The following KIAA1328 variants were observed in gnomAD, a reference collection of about 807,000 sequenced individuals.
KIAA1328 encodes KIAA1328.
In KIAA1328, 52 loss-of-function variants were observed where a neutral mutation model predicts 68.1. The observed-to-expected ratio is 0.76, with a 90% CI of 0.61 to 0.96. The LOEUF is 0.96. Among genes scored for constraint, KIAA1328 ranks in the 40% least tolerant of loss-of-function variants. The pLI, the probability that KIAA1328 is intolerant of heterozygous loss-of-function variation, is 0.00. For missense variants in KIAA1328, 641 were observed against 677.6 expected (o/e 0.95, Z 0.60); for synonymous variants, 232 against 239.4 (o/e 0.97, Z 0.28).
intron 4 of KIAA1328, among the ~76,000 whole-genome samples, chr18:36,879,205 T>C (rs1020852313): frequency 1.9e-4 from 29 of 152,170 alleles, no homozygotes; most frequent in African/African-American, 1.7e-4. Context: ...GTTTTTTTTT[T>C]CATGGGTGTC....
intron 6 of KIAA1328, among the ~76,000 whole-genome samples, chr18:37,064,869 G>A (rs1213628799): frequency 6.6e-6 from 1 of 152,128 alleles, no homozygotes; most frequent in African/African-American, 2.4e-5. Context: ...CAGAGCCAAA[G>A]GAACTAGCCC....
chr18:36,875,817 C>T (rs1190167457), intron 4 of KIAA1328, among the ~76,000 whole-genome samples: 2 of 152,056 alleles, frequency 1.3e-5, no homozygotes, highest in Non-Finnish European at 1.5e-5. Context: ...TCATAAATAG[C>T]CCTTATTATT....
intron 7 of KIAA1328, among the ~76,000 whole-genome samples, chr18:37,118,825 C>G (rs1307834895): frequency 6.6e-6 from 1 of 152,148 alleles, no homozygotes; most frequent in Non-Finnish European, 1.5e-5. Context: ...TCCTTTCTTT[C>G]TTGGGCCTGT....
intron 5 of KIAA1328, among the ~76,000 whole-genome samples, chr18:36,939,751 T>C (rs961204337): frequency 3.3e-5 from 5 of 152,162 alleles, no homozygotes; most frequent in African/African-American, 1.2e-4. Flanking sequence ...TTTATTGTGT[T>C]GAGGTACATG....
chr18:36,999,288 A>G (rs1329607845), intron 6 of KIAA1328, among the ~76,000 whole-genome samples: 1 of 152,210 alleles, frequency 6.6e-6, no homozygotes, highest in Admixed American at 6.5e-5. Context: ...ACACAAAGAC[A>G]CTGAATATTT....
At chr18:37,072,892 A>T (rs2151757201) in intron 7 of KIAA1328, among the ~76,000 whole-genome samples, 1 of 152,214 alleles carries the variant, frequency 6.6e-6, no homozygotes, top group East Asian at 1.9e-4. Flanking sequence ...TTCCTGTGTT[A>T]GTTTGCTGAG....
intron 5 of KIAA1328, among the ~76,000 whole-genome samples, chr18:36,937,857 G>A (rs904857873): frequency 1.8e-4 from 28 of 152,138 alleles, no homozygotes; most frequent in African/African-American, 6.5e-4. Flanking sequence ...GTGAGAATGT[G>A]CAATATTGTC....
intron 6 of KIAA1328, among the ~76,000 whole-genome samples, chr18:37,016,488 A>G (rs946595927): frequency 1.3e-5 from 2 of 151,960 alleles, no homozygotes; most frequent in Non-Finnish European, 2.9e-5. Flanking sequence ...TTGGCTTTGT[A>G]AAGTCCCTCC....
chr18:37,052,427 G>A (rs1416506314), intron 6 of KIAA1328, among the ~76,000 whole-genome samples: 1 of 151,912 alleles, frequency 6.6e-6, no homozygotes, highest in Non-Finnish European at 1.5e-5. Context: ...CCTAATAACT[G>A]GAACAAGACA....
chr18:37,165,382 G>C (rs551370778), intron 8 of KIAA1328, among the ~76,000 whole-genome samples: 1 of 151,794 alleles, frequency 6.6e-6, no homozygotes, highest in South Asian at 2.1e-4. Flanking sequence ...TATGATTTTA[G>C]CTGAAGGGTT....
At chr18:37,183,492 A>G (rs2059736492) in intron 9 of KIAA1328, among the ~76,000 whole-genome samples, 1 of 152,164 alleles carries the variant, frequency 6.6e-6, no homozygotes, top group Admixed American at 6.5e-5. Flanking sequence ...GGAGCTGCAC[A>G]TCTCCTTACT....
chr18:37,109,477 G>T (rs1348900096), intron 7 of KIAA1328, among the ~76,000 whole-genome samples: 1 of 152,000 alleles, frequency 6.6e-6, no homozygotes, highest in Non-Finnish European at 1.5e-5. Flanking sequence ...TGTTATATTA[G>T]TACATAATTT....
At chr18:36,865,886 A>T (rs969860738) in intron 4 of KIAA1328, among the ~76,000 whole-genome samples, 2 of 151,338 alleles carry the variant, frequency 1.3e-5, no homozygotes, top group Admixed American at 1.3e-4. Flanking sequence ...TCTGGCTCTG[A>T]CTCTGCCTGC....
intron 6 of KIAA1328, 48 bp downstream of exon 6, chr18:36,959,483 A>T: frequency 6.4e-7 from 1 of 1,566,530 alleles, no homozygotes. Flanking sequence ...GATCAGCAAG[A>T]TGTCAGAAGA....
intron 6 of KIAA1328, among the ~76,000 whole-genome samples, chr18:36,988,013 A>G (rs12457268): frequency 1.1e-3 from 164 of 152,168 alleles, no homozygotes; most frequent in Admixed American, 2.9e-3. Context: ...AGCAGTTAGT[A>G]TAGCCGTTAT....
At chr18:36,877,308 A>G (rs2150952857) in intron 4 of KIAA1328, among the ~76,000 whole-genome samples, 1 of 152,146 alleles carries the variant, frequency 6.6e-6, no homozygotes, top group Non-Finnish European at 1.5e-5. Flanking sequence ...TGGGAGTCTA[A>G]GTCTCTTTGA....
At chr18:37,131,231 T>A (rs1229798758) in intron 7 of KIAA1328, among the ~76,000 whole-genome samples, 1 of 152,220 alleles carries the variant, frequency 6.6e-6, no homozygotes, top group Non-Finnish European at 1.5e-5. Context: ...TTTATTGTAA[T>A]GTTTTTGTCA....
chr18:37,106,638 C>T (rs942756838), intron 7 of KIAA1328, among the ~76,000 whole-genome samples: 1 of 151,924 alleles, frequency 6.6e-6, no homozygotes, highest in Non-Finnish European at 1.5e-5. Flanking sequence ...AGGCTGGTCT[C>T]GAACTCCTGA....
chr18:36,890,122 C>T (rs985390032), intron 5 of KIAA1328, among the ~76,000 whole-genome samples: 4 of 151,826 alleles, frequency 2.6e-5, no homozygotes, highest in African/African-American at 7.3e-5. Flanking sequence ...TAGAAAGGTG[C>T]TTGTAGCTCA....
Sources: allele counts gnomAD v4.1 joint callset (sites outside exome capture counted in the v4.1 genomes callset), GRCh38; gene constraint gnomAD v4.1.1; transcripts MANE v1.5; gene names NCBI Gene and HGNC (gene_info 2026-07-23, HGNC 2026-07-21).